Variants in SMARCA2 observed in about 807,000 individuals in gnomAD.
SMARCA2 encodes SWI/SNF related BAF chromatin remodeling complex subunit ATPase 2.
SMARCA2 carries 61 observed loss-of-function variants against 199.8 expected under a neutral mutation model. The ratio of observed to expected loss-of-function variants is 0.31; its 90% CI spans 0.25 to 0.38. The LOEUF (loss-of-function observed/expected upper bound fraction) is 0.38. SMARCA2 is among the 10% of genes least tolerant of loss of function. The probability of loss-of-function intolerance (pLI) is 1.00; values close to 1 mark genes in which losing one functional copy is unlikely to be tolerated. For missense variants in SMARCA2, 1,344 were observed against 2,012.2 expected (o/e 0.67, Z 6.35); for synonymous variants, 935 against 732.0 (o/e 1.28, Z -4.48).
chr9:2,054,558 T>A, intron 5 of SMARCA2, 39 bp from the exon 6 acceptor site: 1 of 1,598,090 alleles, frequency 6.3e-7, no homozygotes, highest in South Asian at 1.1e-5. Flanking sequence ...AATGTGTTTT[T>A]CCCCTGCCCC....
rs1819527747 is a variant in SMARCA2, at chr9:2,039,889, A to G, written c.779A>G (p.Asn260Ser). ...QQQQPALVNY[N>S]RPSGPGPELS... ...CAGCAGCCGGCCCTTGTTAACTACA[A>G]CAGACCATCTGGTAGGTTAATACGC... is the stretch of plus-strand genomic sequence containing the variant. The change falls in exon 4 of 34, where the codon AAC becomes AGC. Residue 260 changes from asparagine to serine, a missense_variant. Physicochemically the swap from Asn to Ser is conservative, Grantham distance 46. Transcript: ENST00000349721. The surrounding 1 kb of genome is among the most constrained non-coding windows in gnomAD (Gnocchi z 4.8). 5.0e-6 allele frequency: 8 copies of G among 1,613,818 alleles called. No homozygotes were observed. Among genetic ancestry groups the G allele is most frequent in the Non-Finnish European group, 6.8e-6 (8 of 1,179,974 alleles).
intron 1 of SMARCA2, among the ~76,000 whole-genome samples, chr9:2,019,514 A>T (rs1028703933): frequency 8.7e-5 from 13 of 149,756 alleles, no homozygotes; most frequent in Middle Eastern, 3.4e-3. Context: ...AAAAAAAAAA[A>T]GTGCCTCGGC....
At chr9:2,106,056 C>T (rs996605032) in intron 23 of SMARCA2, among the ~76,000 whole-genome samples, 5 of 152,288 alleles carry the variant, frequency 3.3e-5, no homozygotes, top group African/African-American at 1.2e-4. Context: ...TATGGAACAC[C>T]GCTCTGTGGG....
At chr9:2,018,360 T>G (rs1474489168) in intron 1 of SMARCA2, among the ~76,000 whole-genome samples, 1 of 152,104 alleles carries the variant, frequency 6.6e-6, no homozygotes, top group Non-Finnish European at 1.5e-5. Context: ...TTGTCTCTTT[T>G]TTTTCCTCCT....
At chr9:2,192,441 A>ATTTTC in intron 33 of SMARCA2, 1 of 469,282 alleles carries the variant, frequency 2.1e-6, no homozygotes, top group Non-Finnish European at 3.8e-6. Context: ...TATTAGCCAT[A>ATTTTC]AACCTTTCAA....
chr9:2,066,504 A>G (rs549175710), intron 9 of SMARCA2, among the ~76,000 whole-genome samples: 6 of 152,230 alleles, frequency 3.9e-5, no homozygotes, highest in African/African-American at 9.6e-5. Flanking sequence ...GGGAACACAC[A>G]CTGTCTTTAG....
intron 2 of SMARCA2, among the ~76,000 whole-genome samples, chr9:2,031,397 T>C (rs1384401871): frequency 6.6e-6 from 1 of 152,218 alleles, no homozygotes; most frequent in Non-Finnish European, 1.5e-5. Context: ...CAATGACTTG[T>C]AAACCTTCCT....
At chr9:2,041,829 C>G (rs751306266) in intron 4 of SMARCA2, 1 of 155,432 alleles carries the variant, frequency 6.4e-6, no homozygotes, top group Non-Finnish European at 1.4e-5. Context: ...AGAATGCAGC[C>G]AGATAGAAGA....
chr9:2,122,312 A>C (rs931501911), intron 26 of SMARCA2, among the ~76,000 whole-genome samples: 1 of 138,852 alleles, frequency 7.2e-6, no homozygotes, highest in Non-Finnish European at 1.5e-5. Context: ...ATCTCAGTAT[A>C]GGACATTAAC....
chr9:2,025,272 C>T (rs946463858), intron 1 of SMARCA2, among the ~76,000 whole-genome samples: 3 of 151,464 alleles, frequency 2.0e-5, no homozygotes, highest in South Asian at 2.1e-4. Flanking sequence ...GTTTGGCCCT[C>T]GGGGAGTCCT....
intron 27 of SMARCA2, among the ~76,000 whole-genome samples, chr9:2,134,684 C>G (rs1419364419): frequency 1.3e-5 from 2 of 152,120 alleles, no homozygotes; most frequent in African/African-American, 2.4e-5. Context: ...GTTTATGTCC[C>G]TGCAAAATGG....
chr9:2,191,559 A>C, intron 33 of SMARCA2, 151 bp downstream of exon 33: 1 of 818,034 alleles, frequency 1.2e-6, no homozygotes, highest in South Asian at 1.7e-5. Context: ...AGGGATGTGA[A>C]CGGAGCTGTA....
At chr9:2,162,407 A>G (rs1414434284) in intron 28 of SMARCA2, among the ~76,000 whole-genome samples, 1 of 152,188 alleles carries the variant, frequency 6.6e-6, no homozygotes, top group Non-Finnish European at 1.5e-5. Flanking sequence ...CTTTCTTCCT[A>G]ATACCACATA....
chr9:2,188,195 AATACATATT>A (rs1353698223), intron 32 of SMARCA2, among the ~76,000 whole-genome samples: 1 of 152,082 alleles, frequency 6.6e-6, no homozygotes, highest in Non-Finnish European at 1.5e-5. Context: ...TAATATGTAT[AATACATATT>A]AACATTCATT....
At chr9:2,048,269 A>G (rs915681594) in intron 5 of SMARCA2, among the ~76,000 whole-genome samples, 5 of 152,218 alleles carry the variant, frequency 3.3e-5, no homozygotes, top group Admixed American at 6.5e-5. Context: ...AAGTCAAGAT[A>G]AAATGAAGCT....
chr9:2,173,856 C>T (rs926473087), intron 29 of SMARCA2, among the ~76,000 whole-genome samples: 6 of 152,226 alleles, frequency 3.9e-5, no homozygotes, highest in East Asian at 3.8e-4. Flanking sequence ...AGCTAGTGTT[C>T]TGTGGAGCAC....
At chr9:2,101,440 G>T in intron 21 of SMARCA2, 130 bp from the exon 22 acceptor site, 1 of 502,634 alleles carries the variant, frequency 2.0e-6, no homozygotes. Context: ...ACGTGTGTAA[G>T]TTTTTTGCTT....
intron 27 of SMARCA2, among the ~76,000 whole-genome samples, chr9:2,153,443 G>T (rs1825184946): frequency 6.6e-6 from 1 of 152,042 alleles, no homozygotes; most frequent in African/African-American, 2.4e-5. Context: ...GAGGTGGGAG[G>T]ATTGCTTGAG....
chr9:2,053,778 C>A (rs956944225), intron 5 of SMARCA2, among the ~76,000 whole-genome samples: 2 of 152,150 alleles, frequency 1.3e-5, no homozygotes, highest in Non-Finnish European at 2.9e-5. Flanking sequence ...AACTCTAAAA[C>A]CAGCAGTTTA....
Sources: allele counts gnomAD v4.1 joint callset (sites outside exome capture counted in the v4.1 genomes callset), GRCh38; gene constraint gnomAD v4.1.1; non-coding constraint Gnocchi (gnomAD v3.1); transcripts MANE v1.5; gene names NCBI Gene and HGNC (gene_info 2026-07-23, HGNC 2026-07-21).